Variants in TMOD1 observed in about 807,000 individuals in gnomAD.
The protein encoded by TMOD1 is tropomodulin 1.
TMOD1 carries 17 observed loss-of-function variants against 40.6 expected under a neutral mutation model. The ratio of observed to expected loss-of-function variants is 0.42; its 90% CI spans 0.29 to 0.63. The LOEUF (loss-of-function observed/expected upper bound fraction) is 0.63. TMOD1 is among the 20% of genes least tolerant of loss of function. TMOD1 has a pLI of 0.22. For missense variants in TMOD1, 391 were observed against 447.6 expected (o/e 0.87, Z 1.14); for synonymous variants, 181 against 175.0 (o/e 1.03, Z -0.27).
rs79256592 is a variant in TMOD1, at chr9:97,511,596, T to C, written c.-49+9793T>C. On this transcript the variant is annotated intron_variant, in intron 1 of 9. Coordinates refer to ENST00000259365, the MANE Select transcript of TMOD1 (RefSeq NM_003275.4). ...AGTTTTTGTTTGTTTGCTTGTTTGT[T>C]TGTTTGTTTTTTGTGTCTCATTCTG... Among the ~76,000 whole-genome samples, 1,160 of 152,216 alleles carry C rather than the reference T, an allele frequency of 7.6e-3. 17 individuals carry two copies. Among genetic ancestry groups the C allele is most frequent in the African/African-American group, 0.027 (1,119 of 41,520 alleles).
At chr9:97,547,411 A>T (rs1830382310) in intron 3 of TMOD1, among the ~76,000 whole-genome samples, 1 of 152,202 alleles carries the variant, frequency 6.6e-6, no homozygotes, top group Non-Finnish European at 1.5e-5. Flanking sequence ...AGCTACATCT[A>T]TTTGAGTTGC....
chr9:97,504,189 G>T (rs781600165), intron 1 of TMOD1, among the ~76,000 whole-genome samples: 3 of 152,158 alleles, frequency 2.0e-5, no homozygotes, highest in Non-Finnish European at 4.4e-5. Flanking sequence ...TTTCATAGGG[G>T]CTGCTTGTGA....
At position 97,601,262 on chromosome 9, in the gene TMOD1, G is replaced by GT. The variant is rs1451635673; in HGVS notation, c.*1565dup. ...AATCTGTTGGTCTATGCATGGCTGC[G>GT]TATGTGTTTCTTGGAACCTGTGTGA... On this transcript the variant is annotated 3_prime_UTR_variant, in exon 10 of 10. Transcript: ENST00000259365. 1.7e-6 allele frequency: 2 copies of GT among 1,205,438 alleles called. No individual in the cohort carries two copies. The highest frequency in any genetic ancestry group is 1.6e-5 in the African/African-American group (1 of 63,166). 74.7% of individuals were successfully genotyped at this position (1,205,438 alleles called of 1,614,324 possible).
At chr9:97,565,704 G>A (rs1027826940) in intron 6 of TMOD1, 144 bp from the exon 7 acceptor site, 8 of 641,340 alleles carry the variant, frequency 1.2e-5, no homozygotes, top group African/African-American at 7.3e-5. Context: ...TCAGTCGTCC[G>A]GGACAAAGCC....
chr9:97,571,541 T>A (rs568914881), intron 8 of TMOD1, among the ~76,000 whole-genome samples: 98 of 152,336 alleles, frequency 6.4e-4, no homozygotes, highest in Non-Finnish European at 1.2e-3. Flanking sequence ...TGAGCAGGTA[T>A]CATGTGCCAA....
At chr9:97,550,050 C>G (rs762201015) in intron 3 of TMOD1, among the ~76,000 whole-genome samples, 1 of 152,184 alleles carries the variant, frequency 6.6e-6, no homozygotes, top group Non-Finnish European at 1.5e-5. Context: ...GTTACTCTCC[C>G]ACTCCCTCTG....
At chr9:97,526,651 C>T (rs185549541) in intron 2 of TMOD1, among the ~76,000 whole-genome samples, 2 of 152,200 alleles carry the variant, frequency 1.3e-5, no homozygotes, top group Admixed American at 1.3e-4. Context: ...CTCACTCACC[C>T]AGAGATGGTC....
intron 8 of TMOD1, among the ~76,000 whole-genome samples, chr9:97,571,942 A>G (rs2131272506): frequency 6.6e-6 from 1 of 152,306 alleles, no homozygotes; most frequent in East Asian, 1.9e-4. Context: ...GGCTGTGTGC[A>G]GGACTGAGGC....
intron 2 of TMOD1, among the ~76,000 whole-genome samples, chr9:97,529,743 A>C (rs1830070688): frequency 2.6e-5 from 4 of 152,166 alleles, no homozygotes; most frequent in Admixed American, 2.6e-4. Flanking sequence ...CCAGCTCCTC[A>C]GTTCAGATTG....
At chr9:97,512,407 T>C (rs895111236) in intron 1 of TMOD1, among the ~76,000 whole-genome samples, 2 of 152,142 alleles carry the variant, frequency 1.3e-5, no homozygotes, top group East Asian at 3.8e-4. Context: ...GCAATTCCAC[T>C]CCTGGGTACA....
rs758298213 is a variant in TMOD1 at position 97,565,919 on chromosome 9, C to A, written c.690C>A (p.Ser230Arg). The change falls in exon 7 of 10, where the codon AGC becomes AGA. Residue 230 changes from serine to arginine, a missense_variant. By Grantham distance (110) the Ser-to-Arg change is moderately radical (BLOSUM62 -1). Transcript: ENST00000259365. ...LKENSYVKKF[S>R]IVGTRSNDPV... is the part of the protein sequence containing the mutation. ...AAAACTCATATGTGAAGAAGTTCAG[C>A]ATCGTGGGGACACGGAGTAATGACC... 6.2e-7 allele frequency: 1 copy of A among 1,614,196 alleles called. No individual in the cohort carries two copies. Among genetic ancestry groups the A allele is most frequent in the South Asian group, 1.1e-5 (1 of 91,074 alleles).
intron 1 of TMOD1, among the ~76,000 whole-genome samples, chr9:97,519,818 G>A (rs1829887392): frequency 6.6e-6 from 1 of 152,090 alleles, no homozygotes; most frequent in Admixed American, 6.6e-5. Context: ...ATGGCTCGGG[G>A]AAAGGAGGTA....
At chr9:97,565,496 C>T (rs931371054) in intron 6 of TMOD1, among the ~76,000 whole-genome samples, 1 of 152,072 alleles carries the variant, frequency 6.6e-6, no homozygotes, top group Non-Finnish European at 1.5e-5. Context: ...AAGTCAGGAA[C>T]ATTGCCGATC....
chr9:97,565,761 T>A, intron 6 of TMOD1, 87 bp from the exon 7 acceptor site: 1 of 1,066,230 alleles, frequency 9.4e-7, no homozygotes, highest in Non-Finnish European at 1.4e-6. Context: ...TTGCCAGGAA[T>A]CAGAGAGTAG....
At chr9:97,550,066 GC>G (rs763438773) in intron 3 of TMOD1, among the ~76,000 whole-genome samples, 24 of 152,110 alleles carry the variant, frequency 1.6e-4, no homozygotes, top group Admixed American at 3.9e-4. Flanking sequence ...CTCTGCCCCA[GC>G]CCCTAGTACC....
At chr9:97,596,069 CAAAA>C (rs922343142) in intron 9 of TMOD1, among the ~76,000 whole-genome samples, 3 of 145,420 alleles carry the variant, frequency 2.1e-5, no homozygotes, top group African/African-American at 7.6e-5. Context: ...AAAACTCCAT[CAAAA>C]AAAAAAGAAG....
At position 97,546,169 on chromosome 9, in the gene TMOD1, A is replaced by C. The variant is rs1288109533; in HGVS notation, c.121-16A>C. 6.3e-6 allele frequency: 10 copies of C among 1,593,712 alleles called. 1 individual carries two copies. The South Asian group carries it at 1.1e-4, about 18-fold the overall frequency. On this transcript the variant is annotated splice_polypyrimidine_tract_variant and intron_variant, in intron 2 of 9. Coordinates refer to ENST00000259365, the MANE Select transcript of TMOD1 (RefSeq NM_003275.4). Reference sequence around the variant, plus strand: ...CTCTTTCTCTCTCTCCTGCCCCCCCACAACCTCCAATGTAGAATGCACTGC... The same window carrying C: ...CTCTTTCTCTCTCTCCTGCCCCCCCCCAACCTCCAATGTAGAATGCACTGC...
intron 8 of TMOD1, among the ~76,000 whole-genome samples, chr9:97,582,199 G>A (rs2131283177): frequency 6.6e-6 from 1 of 150,694 alleles, no homozygotes; most frequent in South Asian, 2.1e-4. Flanking sequence ...AAGGGATCCA[G>A]TTTCAGCTTT....
At chr9:97,584,207 G>T (rs1200768575) in intron 8 of TMOD1, among the ~76,000 whole-genome samples, 1 of 152,136 alleles carries the variant, frequency 6.6e-6, no homozygotes, top group Non-Finnish European at 1.5e-5. Flanking sequence ...TTGTGTCTTT[G>T]TTCTCGTTGT....
Sources: allele counts gnomAD v4.1 joint callset (sites outside exome capture counted in the v4.1 genomes callset), GRCh38; gene constraint gnomAD v4.1.1; transcripts MANE v1.5; gene names NCBI Gene and HGNC (gene_info 2026-07-23, HGNC 2026-07-21).